Variants in EIF2AK4 observed in about 807,000 individuals in gnomAD.
EIF2AK4 encodes the protein eIF-2-alpha kinase GCN2.
In EIF2AK4, 139 loss-of-function variants were observed where a neutral mutation model predicts 211.1. That is an observed-to-expected ratio of 0.66 (90% CI 0.57 to 0.76). The LOEUF (loss-of-function observed/expected upper bound fraction) is 0.76. EIF2AK4 is among the 30% of genes least tolerant of loss of function. The pLI is 0.00. For missense variants in EIF2AK4, 1,664 were observed against 2,043.8 expected, an observed-to-expected ratio of 0.81 and a Z score of 3.58; for synonymous variants, 710 against 751.3, an observed-to-expected ratio of 0.94 and a Z score of 0.90.
Position 39,976,634 on chromosome 15 carries a change from G to A in EIF2AK4, c.2039G>A (p.Arg680Gln), listed in dbSNP as rs769775788. ...TCCGGGCCCCTGGCCAAGGATGACC[G>A]AGCTGCACGCGGGCAGCCGGCGAGC... is the stretch of plus-strand genomic sequence containing the variant. The part of the protein sequence containing the change: ...PDSGPLAKDD[R>Q]AARGQPASDT... The change falls in exon 12 of 39, where the codon CGA becomes CAA. Residue 680 changes from arginine to glutamine, a missense_variant. Transcript: ENST00000263791. 1 of 1,605,092 alleles carries A rather than the reference G, an allele frequency of 6.2e-7. No homozygotes were observed. The highest frequency in any genetic ancestry group is 8.5e-7 in the Non-Finnish European group (1 of 1,176,994).
At chr15:39,978,031 A>G (rs1359944135) in intron 12 of EIF2AK4, 47 bp from the exon 13 acceptor site, 4 of 1,366,884 alleles carry the variant, frequency 2.9e-6, no homozygotes, top group Non-Finnish European at 3.1e-6. Flanking sequence ...GTTTATAATG[A>G]TAATAGGGAT....
chr15:40,022,597 C>T lies in EIF2AK4; in HGVS notation c.4381C>T (p.His1461Tyr). Residue 1461 changes from histidine (H) to tyrosine (Y), a missense_variant, in exon 32 of 39, where the codon CAT (histidine) becomes TAT (tyrosine). His to Tyr is a moderately conservative substitution (Grantham distance 83, BLOSUM62 2). Coordinates refer to ENST00000263791, the MANE Select transcript of EIF2AK4 (RefSeq NM_001013703.4). ...CCTTGTCTCGGATAAAGAAGGAAGC[C>T]ATGTCAAGGTAAAGACGTCAGAGAT... The part of the protein sequence containing the change: ...VALVSDKEGS[H>Y]VKVKSFEKER... 2 of 1,614,044 alleles carry T rather than the reference C, an allele frequency of 1.2e-6. No homozygotes were observed. The highest frequency in any genetic ancestry group is 1.7e-6 in the Non-Finnish European group (2 of 1,179,936).
chr15:40,016,703 A>T, intron 28 of EIF2AK4, 31 bp downstream of exon 28: 1 of 1,607,802 alleles, frequency 6.2e-7, no homozygotes, highest in Non-Finnish European at 8.5e-7. Flanking sequence ...TGGCAGTACA[A>T]ATGTGTAGCA....
rs776343541 is a variant in EIF2AK4, at chr15:39,990,274, G to A, written c.2528G>A (p.Gly843Glu). Residue 843 changes from glycine (G) to glutamate (E), a missense_variant and splice_region_variant, in exon 16 of 39, where the codon GGA becomes GAA. By Grantham distance (98) the Gly-to-Glu change is moderately conservative. Coordinates refer to ENST00000263791, the MANE Select transcript of EIF2AK4 (RefSeq NM_001013703.4). ...TGTTTCTTCACTCTCTTTCAACAGG[G>A]AATGATTCACCGGGATTTGAAGCCT... ...LDGLAYIHEK[G>E]MIHRDLKPVN... is the part of the protein sequence containing the mutation. 1 of 1,613,836 alleles carries A rather than the reference G, an allele frequency of 6.2e-7. No homozygotes were observed. Among genetic ancestry groups the A allele is most frequent in the African/African-American group, 1.3e-5 (1 of 75,020 alleles).
At chr15:39,993,091 TCCATCCATCCATCCAC>T (rs1193147955) in intron 18 of EIF2AK4, among the ~76,000 whole-genome samples, 1,956 of 124,366 alleles carry the variant, frequency 0.016, 39 homozygotes, top group African/African-American at 0.049. Context: ...CATCCATCCA[TCCATCCATCCATCCAC>T]CCACCCATCC....
At chr15:39,969,064 GC>G (rs1335458263) in intron 9 of EIF2AK4, among the ~76,000 whole-genome samples, 2 of 151,954 alleles carry the variant, frequency 1.3e-5, no homozygotes, top group African/African-American at 4.8e-5. Flanking sequence ...AATGAGGTTG[GC>G]CAAAATGACA....
intron 2 of EIF2AK4, among the ~76,000 whole-genome samples, chr15:39,942,397 C>G (rs188604805): frequency 3.2e-4 from 48 of 152,022 alleles, no homozygotes; most frequent in Non-Finnish European, 6.2e-4. Context: ...TGTTCTTTCC[C>G]TCATATAGAC....
chr15:40,024,002 G>A (rs1254960763), intron 32 of EIF2AK4, among the ~76,000 whole-genome samples: 1 of 152,132 alleles, frequency 6.6e-6, no homozygotes, highest in African/African-American at 2.4e-5. Context: ...CTCCAACTAT[G>A]TATGGCCCTC....
rs770849907 is a variant in EIF2AK4, at chr15:39,967,589, G to A, written c.1263G>A (p.Val421=). ...TTGATTATCTGCACAGCAATTCTGT[G>A]GTGCATAAGGTCCTGAGTGCATCTA... The part of the protein sequence containing the change: ...SGLDYLHSNS[V]VHKVLSASNV... Residue 421 remains valine (V), a synonymous_variant, in exon 9 of 39, where the codon GTG becomes GTA. Coordinates refer to ENST00000263791, the MANE Select transcript of EIF2AK4 (RefSeq NM_001013703.4). 5.0e-6 allele frequency: 8 copies of A among 1,613,698 alleles called. No individual in the cohort carries two copies. The highest frequency in any genetic ancestry group is 5.9e-6 in the Non-Finnish European group (7 of 1,179,918).
chr15:39,998,860 T>C, intron 20 of EIF2AK4, 76 bp downstream of exon 20: 1 of 1,225,540 alleles, frequency 8.2e-7, no homozygotes, highest in South Asian at 1.4e-5. Context: ...TTTCAATTAG[T>C]AATCTTCTGC....
chr15:39,961,177 T>G (rs1394501476), intron 6 of EIF2AK4, among the ~76,000 whole-genome samples: 2 of 152,088 alleles, frequency 1.3e-5, no homozygotes. Context: ...TGGAAGGGAA[T>G]GATGGGAATA....
intron 24 of EIF2AK4, 109 bp from the exon 25 acceptor site, chr15:40,007,918 A>T (rs1043789465): frequency 3.6e-6 from 3 of 844,220 alleles, no homozygotes; most frequent in Admixed American, 3.1e-5. Context: ...TGATCATACC[A>T]CCGATTAATT....
rs1277990663 is a variant in EIF2AK4 at position 39,946,447 on chromosome 15, A to T, written c.361-2669A>T. 6 of 634,544 alleles carry T rather than the reference A, an allele frequency of 9.5e-6. No homozygotes were observed. The Admixed American group carries it at 1.5e-4, about 15-fold the overall frequency. 39.3% of individuals were successfully genotyped at this position (634,544 alleles called of 1,614,324 possible). A position where few individuals can be genotyped will look rare whatever the true frequency, so the allele number is the denominator to read the frequency against. The stretch of plus-strand genomic sequence containing the variant: ...GTGACTGAATTGCTGCAACCTCATG[A>T]TAAAACTTTAACAGATGATTAGTTG... On this transcript the variant is annotated intron_variant, in intron 3 of 38. Transcript: ENST00000263791.
chr15:39,952,033 A>AC (rs1253406970), intron 4 of EIF2AK4, among the ~76,000 whole-genome samples: 4 of 151,626 alleles, frequency 2.6e-5, no homozygotes, highest in African/African-American at 9.7e-5. Context: ...AGTCAATCCT[A>AC]CCCCTCCCCA....
rs918809644 is a variant in EIF2AK4 at position 40,030,403 on chromosome 15, G to A, written c.4606G>A (p.Val1536Met). 2 of 1,614,138 alleles carry A rather than the reference G, an allele frequency of 1.2e-6. No individual in the cohort carries two copies. Among genetic ancestry groups the A allele is most frequent in the Non-Finnish European group, 1.7e-6 (2 of 1,180,016 alleles). The part of the protein sequence containing the change: ...HGATVVPIVS[V>M]LAPEKLSAST... ...AGCAACAGTGGTTCCCATTGTGAGT[G>A]TGCTAGCCCCGGAGAAGCTGTCAGC... is the stretch of plus-strand genomic sequence containing the variant. Residue 1536 changes from valine to methionine, a missense_variant, in exon 35 of 39, where the codon GTG (valine) becomes ATG (methionine). By Grantham distance (21) the Val-to-Met change is conservative. This residue lies in a region of EIF2AK4 where 138 missense variants were observed against 165.1 expected (regional missense o/e 0.84). Transcript: ENST00000263791.
At chr15:39,992,897 C>T in intron 18 of EIF2AK4, 49 bp downstream of exon 18, 2 of 1,556,666 alleles carry the variant, frequency 1.3e-6, no homozygotes, top group Non-Finnish European at 1.8e-6. Flanking sequence ...GGTAATAGGA[C>T]ATCTAGATCA....
intron 6 of EIF2AK4, among the ~76,000 whole-genome samples, chr15:39,959,562 C>T (rs2034438561): frequency 6.6e-6 from 1 of 152,160 alleles, no homozygotes; most frequent in African/African-American, 2.4e-5. Flanking sequence ...TGTGTTTGTA[C>T]TTATCAGTCA....
rs1226110073 is a variant in EIF2AK4, at chr15:39,969,608, C to G, written c.1553+1729C>G. On this transcript the variant is annotated intron_variant, in intron 9 of 38. Coordinates refer to ENST00000263791, the MANE Select transcript of EIF2AK4 (RefSeq NM_001013703.4). ...ATCTCCTGACCTCGTGATCCGCCCA[C>G]CTCGGCCTCCCAAAGTGCTGGGATT... 3.3e-5 allele frequency among the ~76,000 whole-genome samples: 5 copies of G among 152,272 alleles called. No homozygotes were observed. In the East Asian group the frequency reaches 9.6e-4, roughly 29 times the overall value.
chr15:40,007,926 A>AT (rs1056884089), intron 24 of EIF2AK4, 101 bp from the exon 25 acceptor site: 31 of 962,820 alleles, frequency 3.2e-5, no homozygotes, highest in Non-Finnish European at 3.8e-5. Context: ...CCACCGATTA[A>AT]TTTTTTTTCA....
Sources: allele counts gnomAD v4.1 joint callset (sites outside exome capture counted in the v4.1 genomes callset), GRCh38; gene constraint gnomAD v4.1.1; regional missense constraint gnomAD v4.1.1; transcripts MANE v1.5; gene names NCBI Gene and HGNC (gene_info 2026-07-23, HGNC 2026-07-21).